Variants in ANKLE2 observed in about 807,000 individuals in gnomAD.
The protein encoded by ANKLE2 is ankyrin repeat and LEM domain containing 2, also known as ankyrin repeat and LEM domain-containing protein 2.
In ANKLE2, 55 loss-of-function variants were observed where a neutral mutation model predicts 84.2. That is an observed-to-expected ratio of 0.65 (90% confidence interval 0.53 to 0.82). The LOEUF (loss-of-function observed/expected upper bound fraction) is 0.82. Ranked by LOEUF, ANKLE2 falls within the 40% of genes least tolerant of loss-of-function variation. The pLI is 0.00. For synonymous variants in ANKLE2, 551 were observed against 486.1 expected, an observed-to-expected ratio of 1.13 and a Z score of -1.76; for missense variants, 1,238 against 1,201.9, an observed-to-expected ratio of 1.03 and a Z score of -0.44.
chr12:132,732,719 T>C (rs1291643893), intron 10 of ANKLE2, among the ~76,000 whole-genome samples: 1 of 78,036 alleles, frequency 1.3e-5, no homozygotes, highest in African/African-American at 5.0e-5. Context: ...CGTGTGAAGC[T>C]CTCTGCGTCC....
chr12:132,753,030 C>G (rs1379340460), intron 2 of ANKLE2, among the ~76,000 whole-genome samples: 1 of 151,580 alleles, frequency 6.6e-6, no homozygotes, highest in Non-Finnish European at 1.5e-5. Context: ...CTAGGTGTGG[C>G]CAGGCGAGGT....
intron 1 of ANKLE2, chr12:132,756,925 C>T (rs1301614001): frequency 6.6e-6 from 1 of 150,986 alleles, no homozygotes; most frequent in African/African-American, 2.4e-5. Context: ...AGCGAGACTC[C>T]ACCTCAATAA....
intron 5 of ANKLE2, among the ~76,000 whole-genome samples, chr12:132,746,992 C>A (rs931579058): frequency 4.6e-5 from 7 of 152,216 alleles, no homozygotes; most frequent in Admixed American, 1.3e-4. Context: ...CTTTAGCACC[C>A]TTTAGAAGAG....
rs2136105462 is a variant in ANKLE2 at position 132,730,155 on chromosome 12, A to G, written c.2007T>C (p.Phe669=). The part of the protein sequence containing the change: ...RNNSPPTVGA[F]GHTRCSAFPL... ...GGAAGGCGCTGCACCTCGTATGTCC[A>G]AAAGCACCGACTGTGGGCGGGCTGT... The change falls in exon 11 of 13, where the codon TTT becomes TTC. Residue 669 remains phenylalanine, a synonymous_variant. Coordinates refer to ENST00000357997, the MANE Select transcript of ANKLE2 (RefSeq NM_015114.3). 6.2e-7 allele frequency: 1 copy of G among 1,611,552 alleles called. No homozygotes were observed. The highest frequency in any genetic ancestry group is 8.5e-7 in the Non-Finnish European group (1 of 1,179,008).
intron 1 of ANKLE2, 70 bp downstream of exon 1, chr12:132,761,548 A>C (rs1294532740): frequency 1.7e-6 from 2 of 1,149,922 alleles, no homozygotes; most frequent in Admixed American, 4.4e-5. Flanking sequence ...CCGGGACCCC[A>C]GGCCCGAGGA....
In ANKLE2 at chr12:132,747,961, G is replaced by A; in HGVS notation, c.1101C>T (p.Cys367=). The A allele has an allele frequency of 1.3e-6, 2 of 1,598,422 alleles. No individual in the cohort carries two copies. The highest frequency in any genetic ancestry group is 8.5e-7 in the Non-Finnish European group (1 of 1,176,182). ...VAAKENQASI[C]QLTLDVLENP... The stretch of plus-strand genomic sequence containing the variant: ...TCTCCAGGACGTCCAGAGTCAGCTG[G>A]CAGATGGAAGCCTGGTTCTCTTTGG... The change falls in exon 5 of 13, where the codon TGC becomes TGT. Residue 367 remains cysteine (C), a synonymous_variant. Coordinates refer to ENST00000357997, the MANE Select transcript of ANKLE2 (RefSeq NM_015114.3).
chr12:132,760,742 C>CCCAG (rs2044608217), intron 1 of ANKLE2: 1 of 152,234 alleles, frequency 6.6e-6, no homozygotes, highest in African/African-American at 2.4e-5. Context: ...GCTCCCTGAA[C>CCCAG]CCAGCCCTTT....
intron 6 of ANKLE2, 191 bp from the exon 7 acceptor site, chr12:132,741,676 G>A: frequency 1.5e-6 from 1 of 670,556 alleles, no homozygotes; most frequent in African/African-American, 1.8e-5. Flanking sequence ...AGACAGCTAG[G>A]AGAACACACT....
In ANKLE2 at chr12:132,726,343, A is replaced by C. The variant is rs2043697817; in HGVS notation, c.*899T>G. ...AACCTCTAAATGCAACACTCTGCATACAGGAGATCCCAACTGAAATGAGTT... is the reference window on the plus strand; with the variant it reads ...AACCTCTAAATGCAACACTCTGCATCCAGGAGATCCCAACTGAAATGAGTT... On this transcript the variant is annotated 3_prime_UTR_variant, in exon 13 of 13. Transcript: ENST00000357997. 1 of 152,408 alleles carries C rather than the reference A, an allele frequency of 6.6e-6. No homozygotes were observed. Among genetic ancestry groups the C allele is most frequent in the African/African-American group, 2.4e-5 (1 of 41,458 alleles). The allele number at this position is 152,408 out of a possible 1,614,324, so 9.4% of individuals were successfully genotyped here.
chr12:132,730,725 G>C (rs907483372), intron 10 of ANKLE2: 4 of 161,718 alleles, frequency 2.5e-5, no homozygotes, highest in Non-Finnish European at 5.4e-5. Flanking sequence ...TCAAGTGGGA[G>C]GATCGCTTGA....
intron 2 of ANKLE2, among the ~76,000 whole-genome samples, chr12:132,751,545 A>G (rs2044357157): frequency 6.6e-6 from 1 of 151,356 alleles, no homozygotes; most frequent in African/African-American, 2.4e-5. Flanking sequence ...CCAGCCGGGA[A>G]TGGCTGTTTT....
chr12:132,761,354 T>A, intron 1 of ANKLE2: 1 of 304,124 alleles, frequency 3.3e-6, no homozygotes, highest in Non-Finnish European at 6.0e-6. Flanking sequence ...CCCCGCCGCC[T>A]TCCCCGGAGG....
chr12:132,729,664 G>A lies in ANKLE2; in HGVS notation c.2483+15C>T, dbSNP rs1308909268. The A allele has an allele frequency of 6.4e-7, 1 of 1,563,554 alleles. No homozygotes were observed. Among genetic ancestry groups the A allele is most frequent in the African/African-American group, 1.4e-5 (1 of 69,700 alleles). On this transcript the variant is annotated intron_variant, in intron 11 of 12. Coordinates refer to ENST00000357997, the MANE Select transcript of ANKLE2 (RefSeq NM_015114.3). ...TGGGGAAGGAAAGTGAGTGCAGAGGGCAACACACTCCTACCCAAAAAGGAA... is the reference window on the plus strand; with the variant it reads ...TGGGGAAGGAAAGTGAGTGCAGAGGACAACACACTCCTACCCAAAAAGGAA...
chr12:132,758,890 AGTG>A (rs1233300447), intron 1 of ANKLE2: 3 of 150,632 alleles, frequency 2.0e-5, no homozygotes, highest in East Asian at 2.2e-4. Flanking sequence ...CACGTGGCAG[AGTG>A]GATCGCTGCG....
At position 132,730,025 on chromosome 12, in the gene ANKLE2, C is replaced by T. The variant is rs775472298; in HGVS notation, c.2137G>A (p.Gly713Ser). Residue 713 changes from glycine to serine, a missense_variant, in exon 11 of 13, where the codon GGC (glycine) becomes AGC (serine). Coordinates refer to ENST00000357997, the MANE Select transcript of ANKLE2 (RefSeq NM_015114.3). ...HPLNHSRTLA[G>S]KRPKAPRGEE... ...CCACGGGGGGCCTTTGGTCTCTTGC[C>T]CGCCAGGGTCCTGCTGTGATTCAGA... The T allele has an allele frequency of 4.7e-5, 76 of 1,613,116 alleles. 1 individual carries two copies. The Admixed American group carries it at 7.7e-4, about 16-fold the overall frequency.
At position 132,729,927 on chromosome 12, in the gene ANKLE2, T is replaced by C. The variant is rs774611351; in HGVS notation, c.2235A>G (p.Gly745=). 1 of 1,613,608 alleles carries C rather than the reference T, an allele frequency of 6.2e-7. No individual in the cohort carries two copies. The highest frequency in any genetic ancestry group is 2.2e-5 in the East Asian group (1 of 44,838). The change falls in exon 11 of 13, where the codon GGA becomes GGG. Residue 745 remains glycine (G), a synonymous_variant. Transcript: ENST00000357997. ...CATCTGGTGTCTTGGAAACGCTACG[T>C]CCTATATTTTGCAAATTCAGTTTAT... ...EFDKLNLQNI[G]RSVSKTPDES...
intron 1 of ANKLE2, chr12:132,760,116 A>G (rs1299016794): frequency 1.5e-5 from 2 of 135,944 alleles, no homozygotes; most frequent in Non-Finnish European, 1.5e-5. Context: ...CCTGGGCCAC[A>G]GGGCGAGACT....
At position 132,736,896 on chromosome 12, in the gene ANKLE2, G is replaced by T; in HGVS notation, c.1590C>A (p.Ala530=). ...AGAAGCTTCTACAGCAGCTCACCTT[G>T]GCTGGACTCAGGGGCCCTGCGAAGG... ...LRAFAGPLSP[A]KAEDFRKLWK... Residue 530 remains alanine (A), a synonymous_variant, in exon 8 of 13, where the codon GCC becomes GCA. Coordinates refer to ENST00000357997, the MANE Select transcript of ANKLE2 (RefSeq NM_015114.3). 6.2e-7 allele frequency: 1 copy of T among 1,603,060 alleles called. No homozygotes were observed.
chr12:132,755,150 A>C lies in ANKLE2; in HGVS notation c.182-17T>G. Reference sequence around the variant, plus strand: ...TCATTTCACCTAGGCCCAAGACAAAAAAATCAAAGAGTCACAAAATACTAA... The same window carrying C: ...TCATTTCACCTAGGCCCAAGACAAACAAATCAAAGAGTCACAAAATACTAA... On this transcript the variant is annotated splice_polypyrimidine_tract_variant and intron_variant, in intron 1 of 12. Transcript: ENST00000357997. The C allele has an allele frequency of 1.3e-6, 2 of 1,575,532 alleles. No homozygotes were observed. Among genetic ancestry groups the C allele is most frequent in the Non-Finnish European group, 1.7e-6 (2 of 1,168,060 alleles).
Sources: gnomAD v4.1 joint callset for allele counts (sites outside exome capture counted in the v4.1 genomes callset) on GRCh38, gnomAD v4.1.1 for gene constraint, MANE v1.5 for transcripts, NCBI Gene and HGNC (gene_info 2026-07-23, HGNC 2026-07-21) for gene names.